The following PDE4B variants were observed in gnomAD, a reference collection of about 807,000 sequenced individuals.
PDE4B encodes phosphodiesterase 4B.
PDE4B carries 20 observed loss-of-function variants against 82.2 expected under a neutral mutation model. That is an observed-to-expected ratio of 0.24 (90% CI 0.17 to 0.35). PDE4B has a LOEUF of 0.35. Among genes scored for constraint, PDE4B ranks in the 10% least tolerant of loss-of-function variants. The pLI, the probability that PDE4B is intolerant of heterozygous loss-of-function variation, is 1.00. For missense variants in PDE4B, 655 were observed against 907.2 expected (o/e 0.72, Z 3.57); for synonymous variants, 320 against 318.9 (o/e 1.00, Z -0.04).
intron 3 of PDE4B, among the ~76,000 whole-genome samples, chr1:65,975,208 T>C (rs1478667860): frequency 6.6e-6 from 1 of 152,238 alleles, no homozygotes; most frequent in Non-Finnish European, 1.5e-5. Flanking sequence ...ACTCTTGCTA[T>C]GTTTTAGCAA....
chr1:65,952,374 A>C (rs1649045540), intron 3 of PDE4B, among the ~76,000 whole-genome samples: 1 of 152,046 alleles, frequency 6.6e-6, no homozygotes, highest in South Asian at 2.1e-4. Flanking sequence ...AAAGAAAGTG[A>C]ATTCCTAACA....
intron 3 of PDE4B, among the ~76,000 whole-genome samples, chr1:65,967,838 G>C (rs1649921380): frequency 6.6e-6 from 1 of 152,040 alleles, no homozygotes; most frequent in African/African-American, 2.4e-5. Flanking sequence ...ATGGACACAG[G>C]GAGGGGAACA....
At chr1:66,084,002 A>G (rs1408220256) in intron 3 of PDE4B, among the ~76,000 whole-genome samples, 2 of 152,164 alleles carry the variant, frequency 1.3e-5, no homozygotes, top group Admixed American at 6.6e-5. Flanking sequence ...TACATAATAC[A>G]CGCTTGTTGA....
At chr1:65,845,153 C>T (rs1238932588) in intron 1 of PDE4B, among the ~76,000 whole-genome samples, 4 of 152,112 alleles carry the variant, frequency 2.6e-5, no homozygotes, top group Non-Finnish European at 5.9e-5. Flanking sequence ...GATAATGTCC[C>T]AGCGTACAAC....
At chr1:65,881,658 C>T (rs2100343708) in intron 1 of PDE4B, among the ~76,000 whole-genome samples, 1 of 152,284 alleles carries the variant, frequency 6.6e-6, no homozygotes, top group Admixed American at 6.5e-5. Context: ...CATAGTTTTG[C>T]TTTTGTGCCT....
intron 3 of PDE4B, among the ~76,000 whole-genome samples, chr1:66,118,501 CAT>C (rs1254287054): frequency 6.6e-6 from 1 of 151,050 alleles, no homozygotes; most frequent in Non-Finnish European, 1.5e-5. Flanking sequence ...TGTTCTCACT[CAT>C]AGGTGGGAAT....
intron 3 of PDE4B, among the ~76,000 whole-genome samples, chr1:66,107,292 G>C (rs1435040431): frequency 6.6e-6 from 1 of 151,800 alleles, no homozygotes; most frequent in Admixed American, 6.6e-5. Flanking sequence ...ATTGCACTGT[G>C]GTCTGAGAGA....
intron 1 of PDE4B, among the ~76,000 whole-genome samples, chr1:65,808,796 G>C (rs1371404400): frequency 6.6e-6 from 1 of 152,172 alleles, no homozygotes; most frequent in Admixed American, 6.5e-5. Context: ...ACTTGGTAAA[G>C]GGTAGAACCT....
chr1:66,316,470 T>C (rs1659035594), intron 7 of PDE4B, among the ~76,000 whole-genome samples: 1 of 152,240 alleles, frequency 6.6e-6, no homozygotes, highest in Admixed American at 6.5e-5. Context: ...CTTTGCAGAA[T>C]CTGTGTCTAG....
At chr1:65,946,215 T>C (rs78610015) in intron 3 of PDE4B, among the ~76,000 whole-genome samples, 1,822 of 152,088 alleles carry the variant, frequency 0.012, 40 homozygotes, top group African/African-American at 0.042. Context: ...TTGTGTATCT[T>C]TCTTATACCT....
chr1:66,038,489 AC>A (rs964555327), intron 3 of PDE4B, among the ~76,000 whole-genome samples: 115 of 152,108 alleles, frequency 7.6e-4, no homozygotes, highest in African/African-American at 2.5e-3. Context: ...GAGATTGGCA[AC>A]CCTCGGCATT....
At chr1:66,160,074 T>C (rs561714683) in intron 3 of PDE4B, among the ~76,000 whole-genome samples, 2 of 152,234 alleles carry the variant, frequency 1.3e-5, no homozygotes, top group African/African-American at 4.8e-5. Flanking sequence ...ATGAACCAAA[T>C]AGAGTCCTCA....
At chr1:66,071,813 A>T (rs1232719517) in intron 3 of PDE4B, among the ~76,000 whole-genome samples, 1 of 149,722 alleles carries the variant, frequency 6.7e-6, no homozygotes, top group African/African-American at 2.5e-5. Flanking sequence ...AAGCATGTTG[A>T]TTTTTCAGAC....
At chr1:65,990,744 G>A (rs1300486074) in intron 3 of PDE4B, among the ~76,000 whole-genome samples, 2 of 152,160 alleles carry the variant, frequency 1.3e-5, no homozygotes, top group Non-Finnish European at 2.9e-5. Flanking sequence ...AACATCAGCA[G>A]CTAATATGAT....
At chr1:65,891,939 C>T (rs1333224462) in intron 1 of PDE4B, among the ~76,000 whole-genome samples, 1 of 151,966 alleles carries the variant, frequency 6.6e-6, no homozygotes, top group African/African-American at 2.4e-5. Flanking sequence ...TGATGTCAGG[C>T]CCATGTGATC....
intron 9 of PDE4B, among the ~76,000 whole-genome samples, chr1:66,356,521 C>G (rs1317559310): frequency 6.6e-6 from 1 of 152,192 alleles, no homozygotes; most frequent in African/African-American, 2.4e-5. Flanking sequence ...CTTATGAAAC[C>G]TCACTTTCCA....
chr1:65,841,190 C>G (rs1369736865), intron 1 of PDE4B, among the ~76,000 whole-genome samples: 2 of 151,920 alleles, frequency 1.3e-5, no homozygotes, highest in African/African-American at 4.8e-5. Flanking sequence ...CCCAGCTGCT[C>G]TGGAGGCTGA....
At chr1:65,901,451 T>C (rs1360481912) in intron 1 of PDE4B, among the ~76,000 whole-genome samples, 1 of 152,142 alleles carries the variant, frequency 6.6e-6, no homozygotes, top group Non-Finnish European at 1.5e-5. Flanking sequence ...AGGGTTATGT[T>C]GGCTTCATAG....
chr1:66,316,433 A>G (rs1040650367), intron 7 of PDE4B, among the ~76,000 whole-genome samples: 1 of 152,248 alleles, frequency 6.6e-6, no homozygotes, highest in African/African-American at 2.4e-5. Context: ...TTAGGCATCT[A>G]TAATCTAGAT....
Sources: gnomAD v4.1 joint callset for allele counts (sites outside exome capture counted in the v4.1 genomes callset) on GRCh38, gnomAD v4.1.1 for gene constraint, MANE v1.5 for transcripts, NCBI Gene and HGNC (gene_info 2026-07-23, HGNC 2026-07-21) for gene names.